RAB27B: variants seen among roughly 807,000 people sequenced by gnomAD.
RAB27B encodes RAB27B, member RAS oncogene family.
RAB27B carries 15 observed loss-of-function variants against 24.6 expected under a neutral mutation model. The ratio of observed to expected loss-of-function variants is 0.61; its 90% CI spans 0.41 to 0.94. The LOEUF is 0.94. Among genes scored for constraint, RAB27B ranks in the 40% least tolerant of loss-of-function variants. RAB27B has a pLI of 0.00. For missense variants in RAB27B, 261 were observed against 266.8 expected, an observed-to-expected ratio of 0.98 and a Z score of 0.15; for synonymous variants, 105 against 92.5, an observed-to-expected ratio of 1.14 and a Z score of -0.78.
intron 1 of RAB27B, 43 bp downstream of exon 1, chr18:54,828,743 A>C (rs1455637885): frequency 6.6e-6 from 1 of 152,450 alleles, no homozygotes; most frequent in African/African-American, 2.4e-5. Context: ...ACGCGTTCCC[A>C]CCCACCCGGG....
chr18:54,839,958 T>C (rs1911044621), intron 1 of RAB27B, among the ~76,000 whole-genome samples: 1 of 152,194 alleles, frequency 6.6e-6, no homozygotes, highest in Non-Finnish European at 1.5e-5. Flanking sequence ...CATGACACCT[T>C]ATTAAGGAAG....
rs1185453665 is a variant in RAB27B, at chr18:54,894,299, T to A, written c.*4886T>A. 1 of 151,998 alleles carries A rather than the reference T, an allele frequency of 6.6e-6. No homozygotes were observed. Among genetic ancestry groups the A allele is most frequent in the African/African-American group, 2.4e-5 (1 of 41,420 alleles). 9.4% of individuals were successfully genotyped at this position (151,998 alleles called of 1,614,324 possible). A position where few individuals can be genotyped will look rare whatever the true frequency, so the allele number is the denominator to read the frequency against. ...ACAAAGAAGTCATCTTTTCATTAAG[T>A]GGATTCCCTGGTTCCTTTCCAGCTG... On this transcript the variant is annotated 3_prime_UTR_variant, in exon 6 of 6. Coordinates refer to ENST00000262094, the MANE Select transcript of RAB27B (RefSeq NM_004163.4).
intron 2 of RAB27B, among the ~76,000 whole-genome samples, chr18:54,747,182 GC>G (rs1910279200): frequency 6.6e-6 from 1 of 152,004 alleles, no homozygotes; most frequent in South Asian, 2.1e-4. Flanking sequence ...ATCCTATATA[GC>G]CTCAAGTTTC....
chr18:54,838,562 G>A (rs1910985184), intron 1 of RAB27B, among the ~76,000 whole-genome samples: 1 of 152,072 alleles, frequency 6.6e-6, no homozygotes, highest in Admixed American at 6.6e-5. Context: ...TATTCTCTGT[G>A]TTCTTTCTGG....
chr18:54,821,079 A>T (rs1039333940), intron 2 of RAB27B, among the ~76,000 whole-genome samples: 1 of 152,132 alleles, frequency 6.6e-6, no homozygotes, highest in African/African-American at 2.4e-5. Flanking sequence ...TCAGTTAGGA[A>T]AAGAGGAAGT....
chr18:54,836,431 T>C (rs117995048), intron 1 of RAB27B, among the ~76,000 whole-genome samples: 1 of 151,988 alleles, frequency 6.6e-6, no homozygotes, highest in East Asian at 1.9e-4. Context: ...TGTTAGATTC[T>C]AGTGATTTTA....
chr18:54,873,560 G>A (rs1238433324), intron 1 of RAB27B, among the ~76,000 whole-genome samples: 1 of 151,930 alleles, frequency 6.6e-6, no homozygotes, highest in Non-Finnish European at 1.5e-5. Context: ...AGGAAAATTT[G>A]CCAAGGCTTT....
chr18:54,800,282 G>A (rs1909559190), intron 2 of RAB27B, among the ~76,000 whole-genome samples: 1 of 152,160 alleles, frequency 6.6e-6, no homozygotes, highest in Non-Finnish European at 1.5e-5. Context: ...TTACAATGAA[G>A]AGAATTGTGT....
At chr18:54,870,612 TA>T (rs1470640414) in intron 1 of RAB27B, among the ~76,000 whole-genome samples, 11 of 152,156 alleles carry the variant, frequency 7.2e-5, no homozygotes, top group Non-Finnish European at 1.6e-4. Flanking sequence ...AAATTCAAAA[TA>T]ATAAATTGAA....
chr18:54,745,962 A>C (rs1246614628), intron 2 of RAB27B, among the ~76,000 whole-genome samples: 3 of 151,856 alleles, frequency 2.0e-5, no homozygotes, highest in African/African-American at 7.2e-5. Context: ...ATGAAATAGC[A>C]ACTAATATAC....
At position 54,867,442 on chromosome 18, in the gene RAB27B, C is replaced by CTTTTCTTTTTTT. The variant is rs1555666326; in HGVS notation, c.-19-10121_-19-10120insCTTTTTTTTTTT. Among the ~76,000 whole-genome samples, 20 of 98,786 alleles carry CTTTTCTTTTTTT rather than the reference C, an allele frequency of 2.0e-4. 1 individual carries two copies. The highest frequency in any genetic ancestry group is 3.0e-4 in the Non-Finnish European group (15 of 50,182). 64.8% of individuals were successfully genotyped at this position (98,786 alleles called of 152,430 possible). A position where few individuals can be genotyped will look rare whatever the true frequency, so the allele number is the denominator to read the frequency against. ...CTGATGCTTTCTTTTCTTTTCTTTT[C>CTTTTCTTTTTTT]TTTTTTTTTTTTTTTTTTTTCTGAG... On this transcript the variant is annotated intron_variant, in intron 1 of 5. Coordinates refer to ENST00000262094, the MANE Select transcript of RAB27B (RefSeq NM_004163.4).
intron 2 of RAB27B, among the ~76,000 whole-genome samples, chr18:54,735,147 A>C (rs1032481260): frequency 6.6e-6 from 1 of 152,194 alleles, no homozygotes; most frequent in Non-Finnish European, 1.5e-5. Context: ...CATATCTAAC[A>C]GACAAAACTC....
intron 2 of RAB27B, among the ~76,000 whole-genome samples, chr18:54,746,262 G>A (rs1055684011): frequency 6.6e-6 from 1 of 152,174 alleles, no homozygotes; most frequent in Non-Finnish European, 1.5e-5. Context: ...TAGATCTCAG[G>A]TATGAGGTAA....
Position 54,890,850 on chromosome 18 carries a change from T to C in RAB27B, c.*1437T>C, listed in dbSNP as rs1041886216. The C allele has an allele frequency of 6.6e-6, 1 of 152,156 alleles. No individual in the cohort carries two copies. The highest frequency in any genetic ancestry group is 2.4e-5 in the African/African-American group (1 of 41,450). The allele number at this position is 152,156 out of a possible 1,614,324, so 9.4% of individuals were successfully genotyped here. A position where few individuals can be genotyped will look rare whatever the true frequency, so the allele number is the denominator to read the frequency against. On this transcript the variant is annotated 3_prime_UTR_variant, in exon 6 of 6. Coordinates refer to ENST00000262094, the MANE Select transcript of RAB27B (RefSeq NM_004163.4). ...AAAATAGTAACAAAATTATTTTTCA[T>C]TGGCCTATTCTGTTCTTGTGTCTAA... is the stretch of plus-strand genomic sequence containing the variant.
intron 2 of RAB27B, among the ~76,000 whole-genome samples, chr18:54,767,252 G>T (rs1015760678): frequency 6.6e-6 from 1 of 151,968 alleles, no homozygotes; most frequent in African/African-American, 2.4e-5. Context: ...TTTTTGCTTG[G>T]GTAAATAACA....
chr18:54,727,374 T>G (rs1274921825), intron 2 of RAB27B, among the ~76,000 whole-genome samples: 2 of 152,110 alleles, frequency 1.3e-5, no homozygotes, highest in African/African-American at 4.8e-5. Flanking sequence ...AAAAGCAAAA[T>G]GTAAGTCTAA....
chr18:54,733,660 C>G (rs867016549), intron 2 of RAB27B, among the ~76,000 whole-genome samples: 7 of 139,420 alleles, frequency 5.0e-5, no homozygotes, highest in South Asian at 2.6e-4. Flanking sequence ...GCCCCCCCCC[C>G]CCAAATTTGC....
intron 1 of RAB27B, among the ~76,000 whole-genome samples, chr18:54,860,153 C>T (rs958449608): frequency 6.6e-6 from 1 of 152,098 alleles, no homozygotes; most frequent in Non-Finnish European, 1.5e-5. Context: ...ATGGTGAATT[C>T]CTCTTCAAGG....
chr18:54,850,332 G>GGA (rs1568096179), intron 1 of RAB27B, among the ~76,000 whole-genome samples: 1 of 23,186 alleles, frequency 4.3e-5, no homozygotes, highest in African/African-American at 2.1e-4. Flanking sequence ...CAAACAAACA[G>GGA]GATATATATA....
Sources: allele counts gnomAD v4.1 joint callset (sites outside exome capture counted in the v4.1 genomes callset), GRCh38; gene constraint gnomAD v4.1.1; transcripts MANE v1.5; gene names NCBI Gene and HGNC (gene_info 2026-07-23, HGNC 2026-07-21).